Variants in GCN1 observed in about 807,000 individuals in gnomAD.
The protein encoded by GCN1 is GCN1 activator of EIF2AK4, also known as stalled ribosome sensor GCN1.
In GCN1, 90 loss-of-function variants were observed where a neutral mutation model predicts 288.4. The ratio of observed to expected loss-of-function variants is 0.31; its 90% CI spans 0.26 to 0.37. The LOEUF is 0.37. Among genes scored for constraint, GCN1 ranks in the 10% least tolerant of loss-of-function variants. The pLI, the probability that GCN1 is intolerant of heterozygous loss-of-function variation, is 1.00. For synonymous variants in GCN1, 1,386 were observed against 1,420.2 expected, an observed-to-expected ratio of 0.98 and a Z score of 0.54; for missense variants, 2,586 against 3,419.9, an observed-to-expected ratio of 0.76 and a Z score of 6.08.
Position 120,137,322 on chromosome 12 carries a change from G to A in GCN1, c.6664-3C>T. ...AACTGGTTGCCAGCATCCAGCTTCTGCAGGAATCCAGGAAAAAGCGAGAGG... is the reference window on the plus strand; with the variant it reads ...AACTGGTTGCCAGCATCCAGCTTCTACAGGAATCCAGGAAAAAGCGAGAGG... On this transcript the variant is annotated splice_polypyrimidine_tract_variant and splice_region_variant and intron_variant, in intron 49 of 57. Transcript: ENST00000300648. This position sits in a 1 kb window ranked among gnomAD's most constrained non-coding sequence, Gnocchi z 5.2. 1 of 1,610,818 alleles carries A rather than the reference G, an allele frequency of 6.2e-7. No homozygotes were observed.
Position 120,158,012 on chromosome 12 carries a change from G to A in GCN1, c.2924C>T (p.Ala975Val), listed in dbSNP as rs779429363. The part of the protein sequence containing the change: ...KGEPGAAPLS[A>V]PAFSLVFPFL... ...CGGGAAGACTAAGGAGAAGGCTGGC[G>A]CGGACAAGGGCGCAGCACCTGTGAG... Residue 975 changes from alanine to valine, a missense_variant, in exon 26 of 58, where the codon GCG becomes GTG. By Grantham distance (64) the Ala-to-Val change is moderately conservative. Transcript: ENST00000300648. This position sits in a 1 kb window ranked among gnomAD's most constrained non-coding sequence, Gnocchi z 4.3. The A allele has an allele frequency of 2.5e-6, 4 of 1,613,886 alleles. No individual in the cohort carries two copies. Among genetic ancestry groups the A allele is most frequent in the East Asian group, 2.2e-5 (1 of 44,884 alleles).
rs190710798 is a variant in GCN1 at position 120,191,680 on chromosome 12, T to C, written c.19-1280A>G. The stretch of plus-strand genomic sequence containing the variant: ...CCAAAACTGTCTTCTACATAAATAA[T>C]GTAGTTTTAACTTTAAAATGTCTTT... On this transcript the variant is annotated intron_variant, in intron 1 of 57. Transcript: ENST00000300648. Among the ~76,000 whole-genome samples, 8 of 152,348 alleles carry C rather than the reference T, an allele frequency of 5.3e-5. No individual in the cohort carries two copies. In the South Asian group the frequency reaches 1.0e-3, roughly 20 times the overall value.
intron 53 of GCN1, among the ~76,000 whole-genome samples, chr12:120,132,704 A>G (rs1876870683): frequency 6.6e-6 from 1 of 152,226 alleles, no homozygotes; most frequent in Non-Finnish European, 1.5e-5. Context: ...TGGAATACCA[A>G]GAGAGGATTT....
At chr12:120,189,370 C>CTTTT (rs1278473363) in intron 2 of GCN1, among the ~76,000 whole-genome samples, 1 of 134,324 alleles carries the variant, frequency 7.4e-6, no homozygotes. Flanking sequence ...CACACCCAGG[C>CTTTT]TTTTTTTTTT....
At chr12:120,182,437 G>A (rs1878695385) in intron 5 of GCN1, among the ~76,000 whole-genome samples, 2 of 152,208 alleles carry the variant, frequency 1.3e-5, no homozygotes, top group South Asian at 4.1e-4. Flanking sequence ...GCTTCATGGA[G>A]CGGTACTTGT....
At chr12:120,186,592 T>C (rs1470270336) in intron 2 of GCN1, among the ~76,000 whole-genome samples, 1 of 152,020 alleles carries the variant, frequency 6.6e-6, no homozygotes, top group African/African-American at 2.4e-5. Flanking sequence ...GGAAGAGAAA[T>C]GAATGAGGTA....
rs981256477 is a variant in GCN1 at position 120,127,888 on chromosome 12, G to A, written c.7977C>T (p.Ala2659=). Residue 2659 remains alanine (A), a synonymous_variant, in exon 58 of 58, where the codon GCC becomes GCT. Transcript: ENST00000300648. Reference sequence around the variant, plus strand: ...TGTCGTCCACCTGCTCCGTGGAGTCGGCCTGGCTGGCCAGCTTCTTCAGGG... The same window carrying A: ...TGTCGTCCACCTGCTCCGTGGAGTCAGCCTGGCTGGCCAGCTTCTTCAGGG... ...RRSLKKLASQ[A]DSTEQVDDTI... 13 of 1,613,926 alleles carry A rather than the reference G, an allele frequency of 8.1e-6. No individual in the cohort carries two copies. The highest frequency in any genetic ancestry group is 4.5e-5 in the East Asian group (2 of 44,900).
At position 120,134,420 on chromosome 12, in the gene GCN1, C is replaced by T. The variant is rs767522784; in HGVS notation, c.7203-15G>A. ...GCATGGTGTCCCTGCAGAAGCAATG[C>T]ACCGCCTTAAGCCCTGGGTGCCTCC... is the stretch of plus-strand genomic sequence containing the variant. On this transcript the variant is annotated splice_polypyrimidine_tract_variant and intron_variant, in intron 52 of 57. Transcript: ENST00000300648. The surrounding 1 kb of genome is among the most constrained non-coding windows in gnomAD (Gnocchi z 5.0). 5 of 1,607,384 alleles carry T rather than the reference C, an allele frequency of 3.1e-6. No individual in the cohort carries two copies. The African/African-American group carries it at 5.3e-5, about 17-fold the overall frequency.
rs753959124 is a variant in GCN1, at chr12:120,163,198, T to C, written c.1910A>G (p.Tyr637Cys). ...CTCCTGCAGGACCCGTGGAGGCACG[T>C]AGGCCTTGCCTGCCTCAGTCACCTC... ...AGEVTEAGKA[Y>C]VPPRVLQEAL... Residue 637 changes from tyrosine (Y) to cysteine (C), a missense_variant, in exon 19 of 58, where the codon TAC (tyrosine) becomes TGC (cysteine). Physicochemically the swap from Tyr to Cys is radical, Grantham distance 194. Transcript: ENST00000300648. 8 of 1,613,766 alleles carry C rather than the reference T, an allele frequency of 5.0e-6. No homozygotes were observed. The South Asian group carries it at 5.5e-5, about 11-fold the overall frequency.
At chr12:120,162,379 G>T in intron 20 of GCN1, 1 of 402,216 alleles carries the variant, frequency 2.5e-6, no homozygotes, top group Non-Finnish European at 4.5e-6. Context: ...GCAGAGATGA[G>T]CATGGCACCC....
rs771065078 is a variant in GCN1 at position 120,164,755 on chromosome 12, A to T, written c.1613-34T>A. The T allele has an allele frequency of 1.7e-5, 25 of 1,450,166 alleles. No individual in the cohort carries two copies. The African/African-American group carries it at 3.1e-4, about 18-fold the overall frequency. 89.8% of individuals were successfully genotyped at this position (1,450,166 alleles called of 1,614,324 possible). ...GAAGAAAAGGAATGGAAGTGTTTTT[A>T]AAATAGTTAAGTGTACACATACATA... is the stretch of plus-strand genomic sequence containing the variant. On this transcript the variant is annotated intron_variant, in intron 16 of 57. Transcript: ENST00000300648.
At chr12:120,167,443 G>A (rs1878170375) in intron 16 of GCN1, among the ~76,000 whole-genome samples, 1 of 151,562 alleles carries the variant, frequency 6.6e-6, no homozygotes, top group Non-Finnish European at 1.5e-5. Context: ...CATACGGCAG[G>A]CACACTACCA....
At chr12:120,130,868 C>T (rs1876795309) in intron 55 of GCN1, 115 bp from the exon 56 acceptor site, 1 of 656,108 alleles carries the variant, frequency 1.5e-6, no homozygotes, top group Non-Finnish European at 2.7e-6. Context: ...CCACATCACC[C>T]CTTACACCAT....
chr12:120,165,133 G>A (rs1261837164), intron 16 of GCN1, among the ~76,000 whole-genome samples: 5 of 150,950 alleles, frequency 3.3e-5, no homozygotes, highest in African/African-American at 4.9e-5. Flanking sequence ...TGCAAGCTCC[G>A]CCTCCCAGGT....
chr12:120,167,013 TCAA>T (rs752979738), intron 16 of GCN1, among the ~76,000 whole-genome samples: 70 of 149,078 alleles, frequency 4.7e-4, no homozygotes, highest in Non-Finnish European at 8.8e-4. Context: ...AGATCCTGTC[TCAA>T]CAACAACAAC....
chr12:120,162,921 C>T lies in GCN1; in HGVS notation c.2089G>A (p.Asp697Asn), dbSNP rs774036141. 8.1e-6 allele frequency: 13 copies of T among 1,613,992 alleles called. No homozygotes were observed. The highest frequency in any genetic ancestry group is 7.7e-5 in the South Asian group (7 of 91,092). The change falls in exon 20 of 58, where the codon GAT becomes AAT. Residue 697 changes from aspartate to asparagine, a missense_variant. By Grantham distance (23) the Asp-to-Asn change is conservative. This residue lies in a region of GCN1 where 913 missense variants were observed against 1,107.0 expected (regional missense o/e 0.82). Coordinates refer to ENST00000300648, the MANE Select transcript of GCN1 (RefSeq NM_006836.2). ...WPALLARMKI[D>N]PEAFITRHLD... ...TGCCTGGTGATAAAGGCTTCAGGATCGATCTTCATCCTGGCAAGAAGTGCT... is the reference window on the plus strand; with the variant it reads ...TGCCTGGTGATAAAGGCTTCAGGATTGATCTTCATCCTGGCAAGAAGTGCT...
chr12:120,129,437 C>A lies in GCN1; in HGVS notation c.7729G>T (p.Ala2577Ser). 6.2e-7 allele frequency: 1 copy of A among 1,613,950 alleles called. No homozygotes were observed. Among genetic ancestry groups the A allele is most frequent in the Non-Finnish European group, 8.5e-7 (1 of 1,179,876 alleles). The stretch of plus-strand genomic sequence containing the variant: ...AGGGGAGGCAGTGGGTCCTTATTTG[C>A]CCACCAGATCATCTTCTCAGCCACC... ...RLVAEKMIWW[A>S]NKDPLPPLDP... The change falls in exon 57 of 58, where the codon GCA (alanine) becomes TCA (serine). Residue 2577 changes from alanine to serine, a missense_variant. By Grantham distance (99) the Ala-to-Ser change is moderately conservative. Around this residue, in one of 8 missense-constraint regions of GCN1, gnomAD observed 355 missense variants for 431.1 expected, o/e 0.82. Transcript: ENST00000300648.
chr12:120,157,751 T>G, intron 26 of GCN1, 98 bp downstream of exon 26: 2 of 996,636 alleles, frequency 2.0e-6, no homozygotes, highest in Non-Finnish European at 3.0e-6. Context: ...CACTCTCTAT[T>G]TCCCCACCAG....
Position 120,153,525 on chromosome 12 carries a change from C to G in GCN1, c.3868-118G>C. ...GCTCTGGGACAGGCATCCTGACATG[C>G]CAGCCAGTGGCTCTTCCAGTTTTCT... On this transcript the variant is annotated intron_variant, in intron 32 of 57. Coordinates refer to ENST00000300648, the MANE Select transcript of GCN1 (RefSeq NM_006836.2). The surrounding 1 kb of genome is among the most constrained non-coding windows in gnomAD (Gnocchi z 4.4). The G allele has an allele frequency of 1.0e-6, 1 of 960,878 alleles. No homozygotes were observed. Among genetic ancestry groups the G allele is most frequent in the Non-Finnish European group, 1.5e-6 (1 of 646,856 alleles). The allele number at this position is 960,878 out of a possible 1,614,324, so 59.5% of individuals were successfully genotyped here.
Sources: gnomAD v4.1 joint callset for allele counts (sites outside exome capture counted in the v4.1 genomes callset) on GRCh38, gnomAD v4.1.1 for gene constraint, gnomAD v4.1.1 regional missense constraint, Gnocchi (gnomAD v3.1) non-coding constraint, MANE v1.5 for transcripts, NCBI Gene and HGNC (gene_info 2026-07-23, HGNC 2026-07-21) for gene names.